Variants in METAP1D observed in about 807,000 individuals in gnomAD.
METAP1D encodes the protein methionyl aminopeptidase type 1D, mitochondrial.
In METAP1D, 31 loss-of-function variants were observed where a neutral mutation model predicts 40.5. That is an observed-to-expected ratio of 0.77 (90% CI 0.58 to 1.03). METAP1D has a LOEUF of 1.03. METAP1D is among the 50% of genes least tolerant of loss of function. METAP1D has a pLI of 0.00. For synonymous variants in METAP1D, 151 were observed against 146.4 expected (o/e 1.03, Z -0.22); for missense variants, 411 against 420.7 (o/e 0.98, Z 0.20).
intron 1 of METAP1D, among the ~76,000 whole-genome samples, chr2:172,005,544 A>ATATATATATATATAT (rs1160120823): frequency 1.8e-5 from 2 of 111,746 alleles, no homozygotes; most frequent in East Asian, 2.2e-4. Flanking sequence ...ATATATATAT[A>ATATATATATATATAT]TCTTTTTTTT....
intron 1 of METAP1D, among the ~76,000 whole-genome samples, chr2:172,059,270 G>A (rs1419805023): frequency 1.3e-5 from 2 of 151,846 alleles, no homozygotes; most frequent in African/African-American, 2.4e-5. Flanking sequence ...CACCATGCCC[G>A]GCTAATTTTT....
intron 1 of METAP1D, among the ~76,000 whole-genome samples, chr2:172,050,696 C>A (rs536700330): frequency 6.6e-6 from 1 of 152,240 alleles, no homozygotes; most frequent in Admixed American, 6.5e-5. Context: ...GTGTGAAATT[C>A]TTTCCTATAA....
At chr2:172,061,278 T>C (rs1296009259) in intron 1 of METAP1D, among the ~76,000 whole-genome samples, 1 of 152,244 alleles carries the variant, frequency 6.6e-6, no homozygotes, top group Non-Finnish European at 1.5e-5. Flanking sequence ...TTTTCCATTG[T>C]CACGCATTTA....
intron 1 of METAP1D, among the ~76,000 whole-genome samples, chr2:172,021,281 C>A (rs1161634199): frequency 6.6e-6 from 1 of 152,170 alleles, no homozygotes; most frequent in Non-Finnish European, 1.5e-5. Context: ...TGAGCTTAAC[C>A]TCTCTGGGGT....
At chr2:172,055,999 C>T (rs768439998) in intron 1 of METAP1D, among the ~76,000 whole-genome samples, 41 of 152,106 alleles carry the variant, frequency 2.7e-4, no homozygotes, top group Non-Finnish European at 5.7e-4. Flanking sequence ...CTAGTGGAGG[C>T]CTGATGACTT....
At chr2:172,078,838 G>T (rs575365328) in intron 7 of METAP1D, among the ~76,000 whole-genome samples, 1 of 152,190 alleles carries the variant, frequency 6.6e-6, no homozygotes, top group African/African-American at 2.4e-5. Context: ...CCTTCCCCAG[G>T]ACTTCTTTGA....
At chr2:172,078,936 G>T (rs1029665703) in intron 7 of METAP1D, among the ~76,000 whole-genome samples, 8 of 152,172 alleles carry the variant, frequency 5.3e-5, no homozygotes, top group Admixed American at 2.0e-4. Flanking sequence ...GAGGAAGCCT[G>T]ACGTGTCTGA....
Position 172,036,118 on chromosome 2 carries a change from C to G in METAP1D, c.41-25380C>G, listed in dbSNP as rs922748814. The stretch of plus-strand genomic sequence containing the variant: ...GGATCACTAGGTCAGGAGATCAAGA[C>G]CATCCTGGCTAACACGGTGAAACCC... On this transcript the variant is annotated intron_variant, in intron 1 of 9. Transcript: ENST00000315796. Among the ~76,000 whole-genome samples the G allele has an allele frequency of 2.0e-5, 3 of 151,582 alleles. No homozygotes were observed. The South Asian group carries it at 6.3e-4, about 32-fold the overall frequency.
At chr2:172,054,454 G>A (rs532207269) in intron 1 of METAP1D, among the ~76,000 whole-genome samples, 2 of 152,158 alleles carry the variant, frequency 1.3e-5, no homozygotes, top group South Asian at 2.1e-4. Flanking sequence ...GGGAGGCAGA[G>A]GTTGCAGTGA....
chr2:172,045,697 ATATG>A lies in METAP1D; in HGVS notation c.41-15799_41-15796del, dbSNP rs201981736. Among the ~76,000 whole-genome samples the A allele has an allele frequency of 0.032, 2,141 of 65,908 alleles. 358 individuals are homozygous for A. In the East Asian group the frequency reaches 0.41, roughly 13 times the overall value. The allele number at this position is 65,908 out of a possible 152,430, so 43.2% of individuals were successfully genotyped here. On this transcript the variant is annotated intron_variant, in intron 1 of 9. Coordinates refer to ENST00000315796, the MANE Select transcript of METAP1D (RefSeq NM_199227.3). ...AAAAAAAAAAAAGGATCATTCATAT[ATATG>A]TGTGTGTGTGTGTGTGTGTGTGTGT... is the stretch of plus-strand genomic sequence containing the variant.
At chr2:172,016,482 G>A (rs1375701351) in intron 1 of METAP1D, among the ~76,000 whole-genome samples, 8 of 150,476 alleles carry the variant, frequency 5.3e-5, no homozygotes, top group East Asian at 1.9e-4. Context: ...TTAGCTGGAC[G>A]TGGTGGTGTG....
chr2:172,062,348 G>T (rs1374784961), intron 2 of METAP1D, among the ~76,000 whole-genome samples: 1 of 152,166 alleles, frequency 6.6e-6, no homozygotes, highest in Non-Finnish European at 1.5e-5. Flanking sequence ...GAAGGTGAGT[G>T]GCCCACTTTT....
chr2:172,000,080 G>A, intron 1 of METAP1D, 71 bp downstream of exon 1: 1 of 1,241,254 alleles, frequency 8.1e-7, no homozygotes, highest in East Asian at 3.2e-5. Flanking sequence ...GGGTCCAAAG[G>A]GATGCGCACC....
At chr2:172,047,651 C>T (rs1689792014) in intron 1 of METAP1D, among the ~76,000 whole-genome samples, 2 of 152,148 alleles carry the variant, frequency 1.3e-5, no homozygotes, top group Admixed American at 6.5e-5. Context: ...CCCAGGCTGG[C>T]CTTGAACTCC....
At position 172,022,233 on chromosome 2, in the gene METAP1D, G is replaced by A. The variant is rs375862345; in HGVS notation, c.40+22224G>A. On this transcript the variant is annotated intron_variant, in intron 1 of 9. Transcript: ENST00000315796. ...AGGGAATCTAAGACGTTGAGTCGCCGGATCCCCAAGGGAGTTAAAGAAAAA... is the reference window on the plus strand; with the variant it reads ...AGGGAATCTAAGACGTTGAGTCGCCAGATCCCCAAGGGAGTTAAAGAAAAA... Among the ~76,000 whole-genome samples the A allele has an allele frequency of 4.3e-4, 66 of 152,228 alleles. 2 individuals are homozygous for A. Among genetic ancestry groups the A allele is most frequent in the African/African-American group, 1.5e-3 (63 of 41,546 alleles).
chr2:172,080,035 G>T, intron 8 of METAP1D, 93 bp from the exon 9 acceptor site: 2 of 1,113,590 alleles, frequency 1.8e-6, no homozygotes, highest in Non-Finnish European at 2.7e-6. Context: ...TGAGGGGAGG[G>T]AGGAGAAACT....
chr2:172,074,607 C>CA lies in METAP1D; in HGVS notation c.705-3182dup, dbSNP rs200250214. On this transcript the variant is annotated intron_variant, in intron 6 of 9. Coordinates refer to ENST00000315796, the MANE Select transcript of METAP1D (RefSeq NM_199227.3). ...CAGTAATTTGTGATCTGGTTTGAAACAAAAAAAATCTACTACTTTTTTGGA... is the reference window on the plus strand; with the variant it reads ...CAGTAATTTGTGATCTGGTTTGAAACAAAAAAAAATCTACTACTTTTTTGGA... 2.4e-3 allele frequency among the ~76,000 whole-genome samples: 362 copies of CA among 151,964 alleles called. 3 individuals carry two copies. In the East Asian group the frequency reaches 0.033, roughly 14 times the overall value.
At chr2:172,062,109 A>G (rs576809941) in intron 2 of METAP1D, 4 of 152,082 alleles carry the variant, frequency 2.6e-5, no homozygotes, top group African/African-American at 9.6e-5. Flanking sequence ...ACTAAATTAA[A>G]TAAAATATGT....
intron 1 of METAP1D, among the ~76,000 whole-genome samples, chr2:172,027,518 G>A (rs995383984): frequency 3.3e-5 from 5 of 152,186 alleles, no homozygotes; most frequent in African/African-American, 1.2e-4. Context: ...CCTTTAGGAT[G>A]TTCTCACAAT....
Sources: gnomAD v4.1 joint callset for allele counts (sites outside exome capture counted in the v4.1 genomes callset) on GRCh38, gnomAD v4.1.1 for gene constraint, MANE v1.5 for transcripts, NCBI Gene and HGNC (gene_info 2026-07-23, HGNC 2026-07-21) for gene names.